Variants in TMEM131 observed in about 807,000 individuals in gnomAD.
The protein encoded by TMEM131 is 2610524E03Rik.
In TMEM131, 66 loss-of-function variants were observed where a neutral mutation model predicts 211.6. The observed-to-expected ratio is 0.31, with a 90% CI of 0.26 to 0.38. TMEM131 has a LOEUF of 0.38. TMEM131 is among the 10% of genes least tolerant of loss of function. The pLI, the probability that TMEM131 is intolerant of heterozygous loss-of-function variation, is 1.00. For synonymous variants in TMEM131, 844 were observed against 841.3 expected, an observed-to-expected ratio of 1.00 and a Z score of -0.06; for missense variants, 2,036 against 2,299.3, an observed-to-expected ratio of 0.89 and a Z score of 2.34.
chr2:97,800,802 G>C (rs1333369823), intron 25 of TMEM131, among the ~76,000 whole-genome samples: 3 of 151,784 alleles, frequency 2.0e-5, no homozygotes, highest in Non-Finnish European at 2.9e-5. Context: ...AGGAAGTTCT[G>C]GTTACTGAGC....
At chr2:97,951,620 T>G (rs1678318685) in intron 1 of TMEM131, among the ~76,000 whole-genome samples, 1 of 152,168 alleles carries the variant, frequency 6.6e-6, no homozygotes, top group African/African-American at 2.4e-5. Context: ...TTTTCTGTTT[T>G]TTGTTTTTGT....
chr2:97,938,062 A>T (rs114155715), intron 1 of TMEM131, among the ~76,000 whole-genome samples: 3,756 of 152,294 alleles, frequency 0.025, 166 homozygotes, highest in African/African-American at 0.087. Flanking sequence ...GGTACCAGCC[A>T]CCTGCAAAAT....
chr2:97,782,467 A>G (rs1449390033), intron 31 of TMEM131, among the ~76,000 whole-genome samples: 1 of 152,256 alleles, frequency 6.6e-6, no homozygotes, highest in African/African-American at 2.4e-5. Flanking sequence ...CTTCATACCA[A>G]GAATCAGAAA....
intron 4 of TMEM131, among the ~76,000 whole-genome samples, chr2:97,875,721 T>G (rs998399467): frequency 2.6e-5 from 4 of 152,174 alleles, no homozygotes; most frequent in Non-Finnish European, 4.4e-5. Flanking sequence ...CAAAGCACTG[T>G]GTAGAGGGAA....
In TMEM131 at chr2:97,805,597, C is replaced by T. The variant is rs767237491; in HGVS notation, c.2162G>A (p.Arg721Gln). 21 of 1,611,112 alleles carry T rather than the reference C, an allele frequency of 1.3e-5. No individual in the cohort carries two copies. Among genetic ancestry groups the T allele is most frequent in the South Asian group, 9.9e-5 (9 of 90,762 alleles). ...CAAGTCTTCCTTATTGCCCCGTAAT[C>T]GTTTATAGTAAAATCGCACATCTTC... ...LSEDVRFYYKRLRGNKEDLEP... is the reference protein window; with the variant it reads ...LSEDVRFYYKQLRGNKEDLEP... The change falls in exon 20 of 41, where the codon CGA becomes CAA. Residue 721 changes from arginine to glutamine, a missense_variant. Coordinates refer to ENST00000186436, the MANE Select transcript of TMEM131 (RefSeq NM_015348.2).
At chr2:97,914,144 A>T (rs1034345606) in intron 2 of TMEM131, among the ~76,000 whole-genome samples, 15 of 152,162 alleles carry the variant, frequency 9.9e-5, no homozygotes, top group African/African-American at 3.6e-4. Context: ...TTTAACTCAC[A>T]AAAGGGGTCT....
intron 1 of TMEM131, among the ~76,000 whole-genome samples, chr2:97,934,466 TAATGTA>T (rs1677358537): frequency 6.6e-6 from 1 of 152,186 alleles, no homozygotes; most frequent in Non-Finnish European, 1.5e-5. Context: ...TCTGTGGGTT[TAATGTA>T]AACCCTGTAA....
intron 1 of TMEM131, among the ~76,000 whole-genome samples, chr2:97,938,580 G>C (rs1211489327): frequency 6.6e-6 from 1 of 151,974 alleles, no homozygotes; most frequent in Non-Finnish European, 1.5e-5. Context: ...ATAATAATGG[G>C]AGACTTCAAC....
chr2:97,985,867 A>C (rs1266646203), intron 1 of TMEM131, among the ~76,000 whole-genome samples: 1 of 152,160 alleles, frequency 6.6e-6, no homozygotes, highest in Non-Finnish European at 1.5e-5. Flanking sequence ...TTTGCATTTA[A>C]AGATGGAAGC....
At chr2:97,857,875 A>C (rs1015330900) in intron 5 of TMEM131, among the ~76,000 whole-genome samples, 4 of 152,206 alleles carry the variant, frequency 2.6e-5, no homozygotes, top group Non-Finnish European at 5.9e-5. Flanking sequence ...TATTAATAGC[A>C]CATTTATAAA....
At chr2:97,900,050 C>A (rs909699790) in intron 3 of TMEM131, among the ~76,000 whole-genome samples, 2 of 152,068 alleles carry the variant, frequency 1.3e-5, no homozygotes, top group African/African-American at 4.8e-5. Flanking sequence ...CTAGTCTCCC[C>A]TTAAACATGC....
chr2:97,802,210 T>C (rs1681066434), intron 24 of TMEM131, among the ~76,000 whole-genome samples: 2 of 152,096 alleles, frequency 1.3e-5, no homozygotes, highest in South Asian at 4.1e-4. Context: ...TAGAAGGGAG[T>C]TCCATATTAC....
chr2:97,786,153 T>C (rs558138769), intron 31 of TMEM131, among the ~76,000 whole-genome samples: 2 of 152,322 alleles, frequency 1.3e-5, no homozygotes, highest in African/African-American at 4.8e-5. Context: ...GGTTTTGCAA[T>C]GTGTTACCAT....
chr2:97,981,052 A>G (rs202138708), intron 1 of TMEM131, among the ~76,000 whole-genome samples: 1,585 of 142,970 alleles, frequency 0.011, 35 homozygotes, highest in East Asian at 0.064. Context: ...AAAAAAAAAA[A>G]AAAAAAAAAA....
intron 8 of TMEM131, among the ~76,000 whole-genome samples, chr2:97,835,793 C>T (rs1411858079): frequency 1.3e-5 from 2 of 152,248 alleles, no homozygotes; most frequent in East Asian, 1.9e-4. Context: ...ACCTATACAC[C>T]GAAATAGGCT....
At chr2:97,972,262 G>C in intron 1 of TMEM131, among the ~76,000 whole-genome samples, 1 of 152,032 alleles carries the variant, frequency 6.6e-6, no homozygotes, top group Admixed American at 6.6e-5. Context: ...CTGCTCAGGA[G>C]GGCCTTACCT....
intron 35 of TMEM131, 36 bp downstream of exon 35, chr2:97,766,078 A>G: frequency 6.2e-7 from 1 of 1,609,652 alleles, no homozygotes; most frequent in Non-Finnish European, 8.5e-7. Flanking sequence ...ATTGTGGGTA[A>G]GTGGAGCCCT....
rs199797339 is a variant in TMEM131, at chr2:97,796,242, T to C, written c.3176A>G (p.Asn1059Ser). The part of the protein sequence containing the change: ...VNCQEFTLSA[N>S]ASRDIIILFT... ...CAATATGATTATATCTCTAGAAGCA[T>C]TGGCACTTAGAGTAAACTCTTGACA... Residue 1059 changes from asparagine to serine, a missense_variant, in exon 28 of 41, where the codon AAT (asparagine) becomes AGT (serine). By Grantham distance (46) the Asn-to-Ser change is conservative (BLOSUM62 1). This residue lies in a region of TMEM131 where 1,623 missense variants were observed against 1,805.9 expected (regional missense o/e 0.90). Transcript: ENST00000186436. 124 of 1,561,794 alleles carry C rather than the reference T, an allele frequency of 7.9e-5. No homozygotes were observed. The highest frequency in any genetic ancestry group is 6.7e-4 in the Middle Eastern group (4 of 5,940).
intron 25 of TMEM131, 55 bp from the exon 26 acceptor site, chr2:97,797,571 TTTC>T (rs2104907407): frequency 6.7e-7 from 1 of 1,482,222 alleles, no homozygotes; most frequent in African/African-American, 1.4e-5. Context: ...TGGAAGAATG[TTTC>T]TTCGCTTACA....
Sources: gnomAD v4.1 joint callset for allele counts (sites outside exome capture counted in the v4.1 genomes callset) on GRCh38, gnomAD v4.1.1 for gene constraint, gnomAD v4.1.1 regional missense constraint, MANE v1.5 for transcripts, NCBI Gene and HGNC (gene_info 2026-07-23, HGNC 2026-07-21) for gene names.